The following CHD1 variants were observed in gnomAD, a reference collection of about 807,000 sequenced individuals.
CHD1 encodes the protein chromodomain helicase DNA binding protein 1.
CHD1 carries 36 observed loss-of-function variants against 224.2 expected under a neutral mutation model. The ratio of observed to expected loss-of-function variants is 0.16; its 90% CI spans 0.12 to 0.21. The LOEUF (loss-of-function observed/expected upper bound fraction) is 0.21. CHD1 is among the 10% of genes least tolerant of loss of function. The pLI is 1.00. For missense variants in CHD1, 1,378 were observed against 1,994.8 expected (o/e 0.69, Z 5.89); for synonymous variants, 668 against 658.3 (o/e 1.01, Z -0.23).
intron 2 of CHD1, among the ~76,000 whole-genome samples, chr5:98,906,095 CTT>C (rs148487181): frequency 0.07 from 10,594 of 152,106 alleles, 397 homozygotes; most frequent in African/African-American, 0.1. Context: ...CAGTAATTCT[CTT>C]TTTCCAGAGC....
At chr5:98,896,976 A>G (rs565663064) in intron 11 of CHD1, among the ~76,000 whole-genome samples, 3 of 152,262 alleles carry the variant, frequency 2.0e-5, no homozygotes, top group African/African-American at 4.8e-5. Flanking sequence ...GAATAAAAAC[A>G]TATTTTAAAA....
intron 1 of CHD1, among the ~76,000 whole-genome samples, chr5:98,926,789 T>C (rs1430903331): frequency 6.6e-6 from 1 of 152,066 alleles, no homozygotes; most frequent in Non-Finnish European, 1.5e-5. Context: ...TGAAAGGATT[T>C]TTAGAGACTA....
At chr5:98,927,814 C>T (rs1055484580) in intron 1 of CHD1, among the ~76,000 whole-genome samples, 2 of 152,070 alleles carry the variant, frequency 1.3e-5, no homozygotes, top group African/African-American at 4.8e-5. Flanking sequence ...ACTTCCTTTC[C>T]CCTCCATCTC....
chr5:98,898,602 G>A lies in CHD1; in HGVS notation c.1186+62C>T. ...TTTGATATGTAAGTGGCAAACTTAT[G>A]ACTTTTTTCAGATTATTTCAAGCAT... On this transcript the variant is annotated intron_variant, in intron 9 of 35. Transcript: ENST00000614616. The A allele has an allele frequency of 4.7e-6, 6 of 1,287,044 alleles. No homozygotes were observed. The South Asian group carries it at 5.4e-5, about 11-fold the overall frequency. 79.7% of individuals were successfully genotyped at this position (1,287,044 alleles called of 1,614,324 possible). A position where few individuals can be genotyped will look rare whatever the true frequency, so the allele number is the denominator to read the frequency against.
Position 98,882,143 on chromosome 5 carries a change from G to A in CHD1, c.2719-20C>T, listed in dbSNP as rs1258446846. The A allele has an allele frequency of 6.2e-7, 1 of 1,603,936 alleles. No homozygotes were observed. Among genetic ancestry groups the A allele is most frequent in the African/African-American group, 1.3e-5 (1 of 74,664 alleles). Reference sequence around the variant, plus strand: ...ATTCACCTGTAAAAATACACATGAGGAAACAAATTGCAGTATAAAGGATTT... The same window carrying A: ...ATTCACCTGTAAAAATACACATGAGAAAACAAATTGCAGTATAAAGGATTT... On this transcript the variant is annotated intron_variant, in intron 19 of 35. Transcript: ENST00000614616.
chr5:98,873,782 G>A (rs1347672922), intron 25 of CHD1, 59 bp from the exon 26 acceptor site: 3 of 1,491,636 alleles, frequency 2.0e-6, no homozygotes, highest in African/African-American at 2.8e-5. Context: ...TGCCATTTAA[G>A]ATTAAGTTTC....
chr5:98,897,020 G>C (rs539467459), intron 11 of CHD1, among the ~76,000 whole-genome samples, 173 bp downstream of exon 11: 3 of 152,234 alleles, frequency 2.0e-5, no homozygotes, highest in Admixed American at 6.5e-5. Context: ...AACTCCACTG[G>C]ATTTTCTTCC....
At chr5:98,927,164 G>GA (rs571067428) in intron 1 of CHD1, among the ~76,000 whole-genome samples, 423 of 152,126 alleles carry the variant, frequency 2.8e-3, no homozygotes, top group African/African-American at 9.1e-3. Context: ...TTTATTTTGT[G>GA]AAAAAAATTG....
intron 26 of CHD1, among the ~76,000 whole-genome samples, chr5:98,873,173 C>G (rs1449247250): frequency 6.6e-6 from 1 of 152,004 alleles, no homozygotes; most frequent in Non-Finnish European, 1.5e-5. Context: ...GGTAAATGAA[C>G]AGCAAAATAA....
rs1383831796 is a variant in CHD1, at chr5:98,883,369, G to C, written c.2569-132C>G. On this transcript the variant is annotated intron_variant, in intron 18 of 35. Coordinates refer to ENST00000614616, the MANE Select transcript of CHD1 (RefSeq NM_001270.4). ...ATCTAGCAAGACCAATCAACAAAAA[G>C]ACTCCAAAATCAAATATATATGTTA... 6.1e-6 allele frequency: 3 copies of C among 490,538 alleles called. 1 individual carries two copies. The highest frequency in any genetic ancestry group is 4.0e-5 in the African/African-American group (2 of 50,304). 30.4% of individuals were successfully genotyped at this position (490,538 alleles called of 1,614,324 possible). A position where few individuals can be genotyped will look rare whatever the true frequency, so the allele number is the denominator to read the frequency against.
chr5:98,858,943 C>T, intron 34 of CHD1, 21 bp downstream of exon 34: 2 of 1,467,628 alleles, frequency 1.4e-6, no homozygotes, highest in Non-Finnish European at 1.8e-6. Context: ...TTTATTTTCC[C>T]AATCAGTAAG....
At chr5:98,873,261 CT>C (rs1749496878) in intron 26 of CHD1, among the ~76,000 whole-genome samples, 1 of 152,030 alleles carries the variant, frequency 6.6e-6, no homozygotes, top group African/African-American at 2.4e-5. Flanking sequence ...GTCATCTATA[CT>C]AAAAAACCTA....
intron 2 of CHD1, among the ~76,000 whole-genome samples, chr5:98,906,365 A>G (rs186722647): frequency 1.3e-5 from 2 of 152,178 alleles, no homozygotes; most frequent in Non-Finnish European, 1.5e-5. Flanking sequence ...AGCATATTAA[A>G]TTTTAATTTT....
At chr5:98,882,978 G>C (rs1750304199) in intron 19 of CHD1, 110 bp downstream of exon 19, 1 of 664,880 alleles carries the variant, frequency 1.5e-6, no homozygotes, top group Non-Finnish European at 2.2e-6. Context: ...TTAAACAGTA[G>C]TATGACTGTT....
At chr5:98,894,817 G>T in intron 12 of CHD1, 131 bp from the exon 13 acceptor site, 2 of 421,490 alleles carry the variant, frequency 4.7e-6, no homozygotes, top group East Asian at 4.8e-5. Context: ...TAATAAAAGA[G>T]TTTTTGTGGT....
chr5:98,904,901 G>A lies in CHD1; in HGVS notation c.251C>T (p.Ala84Val). ...ATTGGGTATTTTATTGATTACCTCA[G>A]CTCCATCAACTTTCGGTGGTTTTGC... ...VQAKPPKVDG[A>V]EFWKSSPSIL... is the part of the protein sequence containing the mutation. The change falls in exon 3 of 36, where the codon GCT becomes GTT. Residue 84 changes from alanine (A) to valine (V), a missense_variant. Transcript: ENST00000614616. The A allele has an allele frequency of 6.2e-7, 1 of 1,613,770 alleles. No homozygotes were observed. The highest frequency in any genetic ancestry group is 8.5e-7 in the Non-Finnish European group (1 of 1,179,766).
Position 98,879,579 on chromosome 5 carries a change from G to A in CHD1, c.3210C>T (p.Leu1070=), listed in dbSNP as rs1340060080. Residue 1070 remains leucine, a synonymous_variant, in exon 23 of 36, where the codon CTC becomes CTT. Transcript: ENST00000614616. ...GTTTTGCACAATTTCTCATTCTTGG[G>A]AGCATATAAATTTCTTCAAGTTCCT... ...RQKELEEIYM[L]PRMRNCAKQI... 4.4e-6 allele frequency: 7 copies of A among 1,598,838 alleles called. No homozygotes were observed. Among genetic ancestry groups the A allele is most frequent in the African/African-American group, 1.4e-5 (1 of 73,692 alleles).
chr5:98,928,829 G>A lies in CHD1; in HGVS notation c.-439C>T. 6.3e-6 allele frequency: 1 copy of A among 159,482 alleles called. No homozygotes were observed. Among genetic ancestry groups the A allele is most frequent in the Non-Finnish European group, 1.4e-5 (1 of 73,292 alleles). The allele number at this position is 159,482 out of a possible 1,614,324, so 9.9% of individuals were successfully genotyped here. On this transcript the variant is annotated 5_prime_UTR_variant, in exon 1 of 36. Coordinates refer to ENST00000614616, the MANE Select transcript of CHD1 (RefSeq NM_001270.4). The stretch of plus-strand genomic sequence containing the variant: ...CGTCGCCGCCGCCGCCGCCGCCGTC[G>A]CGCGCGCGCTCCCGCTCCCTCCGCT...
At position 98,854,223 on chromosome 5, in the gene CHD1, A is replaced by C. The variant is rs940746907; in HGVS notation, c.*2157T>G. ...ATATTTTATCATTTGATAAATGTAC[A>C]TACAGTTCTATATTTTTCATTCAAC... On this transcript the variant is annotated 3_prime_UTR_variant, in exon 36 of 36. Transcript: ENST00000614616. The C allele has an allele frequency of 4.6e-5, 7 of 152,066 alleles. No individual in the cohort carries two copies. Among genetic ancestry groups the C allele is most frequent in the African/African-American group, 1.4e-4 (6 of 41,452 alleles). The allele number at this position is 152,066 out of a possible 1,614,324, so 9.4% of individuals were successfully genotyped here.
Sources: gnomAD v4.1 joint callset for allele counts (sites outside exome capture counted in the v4.1 genomes callset) on GRCh38, gnomAD v4.1.1 for gene constraint, MANE v1.5 for transcripts, NCBI Gene and HGNC (gene_info 2026-07-23, HGNC 2026-07-21) for gene names.